The following HIVEP3 variants were observed in gnomAD, a reference collection of about 807,000 sequenced individuals.
HIVEP3 encodes HIVEP zinc finger 3, also known as transcription factor HIVEP3.
A neutral mutation model predicts 152.8 loss-of-function variants in HIVEP3; 49 were observed. The observed-to-expected ratio is 0.32, with a 90% CI of 0.26 to 0.41. The LOEUF (loss-of-function observed/expected upper bound fraction) is 0.41. Ranked by LOEUF, HIVEP3 falls within the 10% of genes least tolerant of loss-of-function variation. HIVEP3 has a pLI of 1.00. For synonymous variants in HIVEP3, 1,269 were observed against 1,289.0 expected (o/e 0.98, Z 0.33); for missense variants, 2,790 against 3,103.3 (o/e 0.90, Z 2.40).
At chr1:41,901,706 C>T (rs116653222) in intron 1 of HIVEP3, among the ~76,000 whole-genome samples, 74 of 152,280 alleles carry the variant, frequency 4.9e-4, no homozygotes, top group African/African-American at 1.4e-3. Context: ...TTTTCAGGAG[C>T]AGGTGTGGCT....
At chr1:41,698,758 C>A (rs1288192764) in intron 2 of HIVEP3, among the ~76,000 whole-genome samples, 1 of 152,182 alleles carries the variant, frequency 6.6e-6, no homozygotes, top group African/African-American at 2.4e-5. Context: ...CCCCACCCCC[C>A]ACAATGCTTC....
At chr1:41,874,777 C>T (rs949503682) in intron 1 of HIVEP3, among the ~76,000 whole-genome samples, 3 of 152,138 alleles carry the variant, frequency 2.0e-5, no homozygotes, top group African/African-American at 4.8e-5. Flanking sequence ...CAAACAGAGG[C>T]CCTGAGGGAT....
In HIVEP3 at chr1:41,582,107, T is replaced by C. The variant is rs1456962557; in HGVS notation, c.2691A>G (p.Pro897=). Residue 897 remains proline, a synonymous_variant, in exon 4 of 9, where the codon CCA becomes CCG. Coordinates refer to ENST00000372583, the MANE Select transcript of HIVEP3 (RefSeq NM_024503.5). The surrounding 1 kb of genome is among the most constrained non-coding windows in gnomAD (Gnocchi z 4.7). Reference sequence around the variant, plus strand: ...TCTTTTTGGGTGGCAGCTTCTCAGCTGGGAGCTGGGCAAGTGTCTGGCTGC... The same window carrying C: ...TCTTTTTGGGTGGCAGCTTCTCAGCCGGGAGCTGGGCAAGTGTCTGGCTGC... ...PQRSQTLAQL[P]AEKLPPKKKR... The C allele has an allele frequency of 8.1e-6, 13 of 1,614,056 alleles. No homozygotes were observed. The highest frequency in any genetic ancestry group is 1.0e-5 in the Non-Finnish European group (12 of 1,180,032).
At chr1:41,650,232 T>A (rs927604547) in intron 2 of HIVEP3, among the ~76,000 whole-genome samples, 3 of 150,900 alleles carry the variant, frequency 2.0e-5, no homozygotes, top group African/African-American at 7.3e-5. Flanking sequence ...ATGGGAGGGG[T>A]GGGTCCTTTA....
chr1:41,545,570 C>G (rs1643758847), intron 5 of HIVEP3, among the ~76,000 whole-genome samples: 1 of 138,622 alleles, frequency 7.2e-6, no homozygotes, highest in Admixed American at 7.0e-5. Flanking sequence ...CCATCACCAC[C>G]ACCACCACCA....
chr1:41,662,908 G>A lies in HIVEP3; in HGVS notation c.-720-33961C>T, dbSNP rs981872860. 4.6e-5 allele frequency among the ~76,000 whole-genome samples: 7 copies of A among 151,888 alleles called. No homozygotes were observed. The highest frequency in any genetic ancestry group is 1.0e-4 in the Non-Finnish European group (7 of 67,938). On this transcript the variant is annotated intron_variant, in intron 2 of 8. Transcript: ENST00000372583. The surrounding 1 kb of genome is among the most constrained non-coding windows in gnomAD (Gnocchi z 7.2). ...CCCCTGGGTGCCAGCCGGGCTCCGG[G>A]AAGCCCGCGCCTCCCCAGGCGGGAA... is the stretch of plus-strand genomic sequence containing the variant.
At chr1:41,683,419 C>A (rs966326841) in intron 2 of HIVEP3, among the ~76,000 whole-genome samples, 4 of 152,236 alleles carry the variant, frequency 2.6e-5, no homozygotes, top group Non-Finnish European at 5.9e-5. Context: ...CTCCTCTTAG[C>A]CACAGACATC....
intron 1 of HIVEP3, among the ~76,000 whole-genome samples, chr1:41,917,898 C>T (rs2124472199): frequency 6.6e-6 from 1 of 152,340 alleles, no homozygotes; most frequent in South Asian, 2.1e-4. Context: ...ATACGAATCT[C>T]ACTCTCAACC....
chr1:41,934,450 AAAAGTTGTG>A (rs1454030555), intron 1 of HIVEP3, among the ~76,000 whole-genome samples: 3 of 152,134 alleles, frequency 2.0e-5, no homozygotes, highest in Non-Finnish European at 4.4e-5. Context: ...TGAGCTCAAG[AAAAGTTGTG>A]AACTTTCTAT....
chr1:41,542,512 T>A (rs901077455), intron 5 of HIVEP3: 2 of 151,998 alleles, frequency 1.3e-5, no homozygotes, highest in African/African-American at 4.8e-5. Flanking sequence ...CTGATGAGAG[T>A]CTTGTCCCCA....
Position 41,580,239 on chromosome 1 carries a change from A to G in HIVEP3, c.4559T>C (p.Leu1520Ser). The part of the protein sequence containing the change: ...KEIPPLPHPA[L>S]SHGTAPGSEA... Reference sequence around the variant, plus strand: ...TGAGCCTGGGGCTGTCCCATGGGACAATGCAGGGTGAGGGAGGGGAGGAAT... The same window carrying G: ...TGAGCCTGGGGCTGTCCCATGGGACGATGCAGGGTGAGGGAGGGGAGGAAT... The change falls in exon 4 of 9, where the codon TTG becomes TCG. Residue 1520 changes from leucine (L) to serine (S), a missense_variant. By Grantham distance (145) the Leu-to-Ser change is moderately radical. Around this residue, in one of 9 missense-constraint regions of HIVEP3, gnomAD observed 1,078 missense variants for 1,165.3 expected, o/e 0.93. Transcript: ENST00000372583. The G allele has an allele frequency of 6.2e-7, 1 of 1,613,372 alleles. No homozygotes were observed. Among genetic ancestry groups the G allele is most frequent in the Non-Finnish European group, 8.5e-7 (1 of 1,179,632 alleles).
intron 1 of HIVEP3, among the ~76,000 whole-genome samples, chr1:41,764,941 G>A (rs1647918196): frequency 1.3e-5 from 2 of 152,212 alleles, no homozygotes; most frequent in Non-Finnish European, 2.9e-5. Context: ...ATCACAGGTG[G>A]GGGTGGCATG....
At chr1:41,549,312 T>G (rs1353017315) in intron 5 of HIVEP3, among the ~76,000 whole-genome samples, 5 of 152,202 alleles carry the variant, frequency 3.3e-5, no homozygotes, top group Non-Finnish European at 7.3e-5. Context: ...TTTGCTATTG[T>G]GAATAATGCC....
chr1:42,004,695 C>T (rs1645448473), intron 1 of HIVEP3, among the ~76,000 whole-genome samples: 1 of 152,200 alleles, frequency 6.6e-6, no homozygotes, highest in Admixed American at 6.5e-5. Context: ...AATCCTATCA[C>T]CTATTGAGCA....
At position 41,583,721 on chromosome 1, in the gene HIVEP3, C is replaced by T. The variant is rs201110520; in HGVS notation, c.1077G>A (p.Thr359=). Residue 359 remains threonine (T), a synonymous_variant, in exon 4 of 9, where the codon ACG becomes ACA. Transcript: ENST00000372583. The surrounding 1 kb of genome is among the most constrained non-coding windows in gnomAD (Gnocchi z 6.9). ...PLSHKPEDTH[T]IKQKLALRLS... is the part of the protein sequence containing the mutation. ...AGCGGAGGGCCAGCTTCTGCTTAAT[C>T]GTGTGGGTGTCTTCAGGTTTATGGC... 80 of 1,608,052 alleles carry T rather than the reference C, an allele frequency of 5.0e-5. No homozygotes were observed. Among genetic ancestry groups the T allele is most frequent in the South Asian group, 2.4e-4 (22 of 89,816 alleles).
intron 2 of HIVEP3, among the ~76,000 whole-genome samples, chr1:41,676,451 A>G (rs1196133631): frequency 6.6e-6 from 1 of 151,966 alleles, no homozygotes; most frequent in Non-Finnish European, 1.5e-5. Context: ...GGGGAGTCAG[A>G]CTCCAGCCCA....
intron 1 of HIVEP3, among the ~76,000 whole-genome samples, chr1:41,872,178 C>T (rs1644093100): frequency 6.6e-6 from 1 of 152,110 alleles, no homozygotes; most frequent in Admixed American, 6.5e-5. Flanking sequence ...ATCAGGCAGC[C>T]CCCAGAATCA....
At chr1:41,754,101 C>T (rs530225635) in intron 1 of HIVEP3, among the ~76,000 whole-genome samples, 21 of 152,226 alleles carry the variant, frequency 1.4e-4, no homozygotes, top group Middle Eastern at 3.4e-3. Context: ...AGCAAGAGCA[C>T]GCGGCATTCT....
chr1:41,598,231 T>C (rs1644694727), intron 3 of HIVEP3, among the ~76,000 whole-genome samples: 1 of 152,180 alleles, frequency 6.6e-6, no homozygotes, highest in Non-Finnish European at 1.5e-5. Context: ...AAATTCCACA[T>C]TTGCTGCAGT....
Sources: allele counts gnomAD v4.1 joint callset (sites outside exome capture counted in the v4.1 genomes callset), GRCh38; gene constraint gnomAD v4.1.1; regional missense constraint gnomAD v4.1.1; non-coding constraint Gnocchi (gnomAD v3.1); transcripts MANE v1.5; gene names NCBI Gene and HGNC (gene_info 2026-07-23, HGNC 2026-07-21).